Variants in MARK1 observed in about 807,000 individuals in gnomAD.
MARK1 encodes the protein microtubule affinity regulating kinase 1.
In MARK1, 40 loss-of-function variants were observed where a neutral mutation model predicts 96.3. That is an observed-to-expected ratio of 0.42 (90% confidence interval 0.32 to 0.54). MARK1 has a LOEUF of 0.54. Among genes scored for constraint, MARK1 ranks in the 20% least tolerant of loss-of-function variants. The pLI is 0.16. For missense variants in MARK1, 719 were observed against 984.6 expected (o/e 0.73, Z 3.61); for synonymous variants, 317 against 341.2 (o/e 0.93, Z 0.78).
At chr1:220,603,320 T>C (rs1665868169) in intron 5 of MARK1, among the ~76,000 whole-genome samples, 1 of 152,032 alleles carries the variant, frequency 6.6e-6, no homozygotes, top group African/African-American at 2.4e-5. Flanking sequence ...TGTAAAGTAA[T>C]GGATCCAGTA....
chr1:220,566,843 A>G (rs1006470201), intron 1 of MARK1, among the ~76,000 whole-genome samples: 10 of 152,094 alleles, frequency 6.6e-5, no homozygotes, highest in African/African-American at 2.2e-4. Context: ...GCTTTTTTAG[A>G]CATTATTTTA....
At chr1:220,636,935 G>A (rs1478656723) in intron 13 of MARK1, among the ~76,000 whole-genome samples, 4 of 151,006 alleles carry the variant, frequency 2.6e-5, no homozygotes, top group African/African-American at 9.7e-5. Flanking sequence ...GATTCAGATT[G>A]ACCTTAGGTT....
chr1:220,626,135 A>T, intron 9 of MARK1: 1 of 617,068 alleles, frequency 1.6e-6, no homozygotes, highest in Non-Finnish European at 3.1e-6. Flanking sequence ...ATCGCTGTGA[A>T]TTGGGCTGGG....
chr1:220,580,144 G>A (rs946373008), intron 2 of MARK1, among the ~76,000 whole-genome samples: 3 of 151,890 alleles, frequency 2.0e-5, no homozygotes, highest in Non-Finnish European at 4.4e-5. Context: ...GTAACATTTT[G>A]TATTATATAA....
intron 1 of MARK1, among the ~76,000 whole-genome samples, chr1:220,549,209 T>G (rs11588721): frequency 0.59 from 89,232 of 152,070 alleles, 27,535 homozygotes; most frequent in Non-Finnish European, 0.68. Context: ...GCTCTAGCAT[T>G]TATTAGATGT....
chr1:220,567,066 T>C (rs184895724), intron 1 of MARK1, among the ~76,000 whole-genome samples: 5 of 152,302 alleles, frequency 3.3e-5, no homozygotes, highest in Non-Finnish European at 7.4e-5. Flanking sequence ...ACATATTTTA[T>C]GTATATATAA....
chr1:220,661,862 C>G lies in MARK1; in HGVS notation c.2084C>G (p.Ser695Cys), dbSNP rs1279405728. ...AGAGACAAGGAAGAGGGTAAAGATT[C>G]TAAGCCGCGTTCTTTGCGGTTCACA... ...KERDKEEGKD[S>C]KPRSLRFTWS... Residue 695 changes from serine (S) to cysteine (C), a missense_variant, in exon 18 of 18, where the codon TCT (serine) becomes TGT (cysteine). This residue lies in a region of MARK1 where 501 missense variants were observed against 588.3 expected (regional missense o/e 0.85). Transcript: ENST00000366917. 6.2e-7 allele frequency: 1 copy of G among 1,614,034 alleles called. No homozygotes were observed. Among genetic ancestry groups the G allele is most frequent in the African/African-American group, 1.3e-5 (1 of 75,040 alleles).
intron 3 of MARK1, among the ~76,000 whole-genome samples, chr1:220,595,884 A>C (rs964801399): frequency 6.6e-6 from 1 of 152,178 alleles, no homozygotes; most frequent in African/African-American, 2.4e-5. Context: ...AAATGTCTTA[A>C]TGATGCATCG....
At chr1:220,600,716 A>AT (rs2102910636) in intron 5 of MARK1, among the ~76,000 whole-genome samples, 1 of 152,214 alleles carries the variant, frequency 6.6e-6, no homozygotes, top group South Asian at 2.1e-4. Flanking sequence ...TGGCTGGTTG[A>AT]TTTTTTGCTA....
intron 10 of MARK1, among the ~76,000 whole-genome samples, chr1:220,631,671 G>A (rs999476077): frequency 6.6e-6 from 1 of 152,112 alleles, no homozygotes; most frequent in Non-Finnish European, 1.5e-5. Context: ...TCTCAGCTGA[G>A]TCATCTCAAC....
chr1:220,566,393 C>T (rs80044123), intron 1 of MARK1, among the ~76,000 whole-genome samples: 2,070 of 152,248 alleles, frequency 0.014, 47 homozygotes, highest in African/African-American at 0.047. Flanking sequence ...CACACCATTT[C>T]ACCATACATC....
At chr1:220,616,312 A>G (rs934676116) in intron 7 of MARK1, among the ~76,000 whole-genome samples, 7 of 152,210 alleles carry the variant, frequency 4.6e-5, no homozygotes, top group African/African-American at 1.4e-4. Flanking sequence ...GCAAAGTCAG[A>G]GCACAGACCC....
intron 1 of MARK1, chr1:220,576,792 G>T (rs574963765): frequency 6.6e-6 from 1 of 152,172 alleles, no homozygotes; most frequent in Non-Finnish European, 1.5e-5. Context: ...TGGGGCTTTA[G>T]GAGCTTTAAG....
chr1:220,662,830 G>A lies in MARK1; in HGVS notation c.*664G>A, dbSNP rs1240491221. 6.6e-6 allele frequency: 1 copy of A among 152,574 alleles called. No individual in the cohort carries two copies. Among genetic ancestry groups the A allele is most frequent in the Non-Finnish European group, 1.5e-5 (1 of 68,026 alleles). 9.5% of individuals were successfully genotyped at this position (152,574 alleles called of 1,614,324 possible). On this transcript the variant is annotated 3_prime_UTR_variant, in exon 18 of 18. Coordinates refer to ENST00000366917, the MANE Select transcript of MARK1 (RefSeq NM_018650.5). ...TTTAAATTCAAGTACATGAAATTCA[G>A]TAATAGCATTGCCTTGAGCTAACTA...
intron 1 of MARK1, among the ~76,000 whole-genome samples, chr1:220,546,298 C>G (rs1369832875): frequency 1.3e-5 from 2 of 152,166 alleles, no homozygotes; most frequent in Non-Finnish European, 2.9e-5. Context: ...ATTCACATTT[C>G]ATAATGAAAC....
At position 220,652,013 on chromosome 1, in the gene MARK1, A is replaced by G. The variant is rs769426910; in HGVS notation, c.1599A>G (p.Ile533Met). 1 of 1,608,762 alleles carries G rather than the reference A, an allele frequency of 6.2e-7. No homozygotes were observed. Among genetic ancestry groups the G allele is most frequent in the Non-Finnish European group, 8.5e-7 (1 of 1,175,802 alleles). ...SSLTEMSVSS[I>M]SSAGSSVASA... ...TTACGGAGATGTCTGTGAGTAGCAT[A>G]TCTTCTGCAGGCTCTTCTGTGGCCT... is the stretch of plus-strand genomic sequence containing the variant. The change falls in exon 15 of 18, where the codon ATA (isoleucine) becomes ATG (methionine). Residue 533 changes from isoleucine (I) to methionine (M), a missense_variant. Coordinates refer to ENST00000366917, the MANE Select transcript of MARK1 (RefSeq NM_018650.5).
intron 12 of MARK1, 97 bp downstream of exon 12, chr1:220,635,626 T>G: frequency 7.4e-7 from 1 of 1,353,984 alleles, no homozygotes. Flanking sequence ...GTGCTTGTGT[T>G]ATCTAGTTCT....
chr1:220,541,420 G>A (rs1452206303), intron 1 of MARK1, among the ~76,000 whole-genome samples: 1 of 152,166 alleles, frequency 6.6e-6, no homozygotes, highest in Non-Finnish European at 1.5e-5. Flanking sequence ...ATGTCTACGT[G>A]TCCGTTAGGT....
At chr1:220,642,717 GT>G (rs1341228276) in intron 13 of MARK1, among the ~76,000 whole-genome samples, 1 of 152,208 alleles carries the variant, frequency 6.6e-6, no homozygotes, top group Non-Finnish European at 1.5e-5. Context: ...ATATGGGAGA[GT>G]TCCAGCTGGC....
Sources: gnomAD v4.1 joint callset for allele counts (sites outside exome capture counted in the v4.1 genomes callset) on GRCh38, gnomAD v4.1.1 for gene constraint, gnomAD v4.1.1 regional missense constraint, MANE v1.5 for transcripts, NCBI Gene and HGNC (gene_info 2026-07-23, HGNC 2026-07-21) for gene names.